The following ERC1 variants were observed in gnomAD, a reference collection of about 807,000 sequenced individuals.
ERC1 encodes the protein RAB6 interacting protein 2.
Under a neutral mutation model 132.0 loss-of-function variants are expected in ERC1, and 56 were observed. That is an observed-to-expected ratio of 0.42 (90% confidence interval 0.34 to 0.53). The LOEUF (loss-of-function observed/expected upper bound fraction) is 0.53. Among genes scored for constraint, ERC1 ranks in the 20% least tolerant of loss-of-function variants. The pLI is 0.03. For missense variants in ERC1, 1,202 were observed against 1,349.9 expected (o/e 0.89, Z 1.72); for synonymous variants, 478 against 476.1 (o/e 1.00, Z -0.05).
chr12:1,319,638 T>C (rs1396324199), intron 15 of ERC1, among the ~76,000 whole-genome samples: 1 of 152,226 alleles, frequency 6.6e-6, no homozygotes, highest in Non-Finnish European at 1.5e-5. Context: ...TTAGCAAGAC[T>C]TTATTGTAAT....
At chr12:1,348,535 A>T (rs879707280) in intron 15 of ERC1, among the ~76,000 whole-genome samples, 1 of 152,152 alleles carries the variant, frequency 6.6e-6, no homozygotes, top group Admixed American at 6.5e-5. Flanking sequence ...TCTACCAAAA[A>T]TACAAAAATT....
At position 1,219,635 on chromosome 12, in the gene ERC1, C is replaced by CTTTTTTTTT. The variant is rs775838825; in HGVS notation, c.2352-17129_2352-17121dup. Among the ~76,000 whole-genome samples the CTTTTTTTTT allele has an allele frequency of 2.2e-3, 311 of 140,712 alleles. 6 individuals are homozygous for CTTTTTTTTT. Among genetic ancestry groups the CTTTTTTTTT allele is most frequent in the African/African-American group, 5.9e-3 (218 of 37,152 alleles). The allele number at this position is 140,712 out of a possible 152,430, so 92.3% of individuals were successfully genotyped here. A position where few individuals can be genotyped will look rare whatever the true frequency, so the allele number is the denominator to read the frequency against. ...CTCTGTAGCAATCAGACTGAACTCT[C>CTTTTTTTTT]TTTTTTTTTTTTTCTTTTTTGAGAC... On this transcript the variant is annotated intron_variant, in intron 12 of 18. Coordinates refer to ENST00000360905, the MANE Select transcript of ERC1 (RefSeq NM_178040.4).
chr12:1,488,874 C>T (rs950842368), intron 18 of ERC1, among the ~76,000 whole-genome samples: 3 of 152,190 alleles, frequency 2.0e-5, no homozygotes, highest in African/African-American at 4.8e-5. Flanking sequence ...TTCCTTTCCA[C>T]GTCCCTGGCC....
intron 7 of ERC1, among the ~76,000 whole-genome samples, chr12:1,118,991 C>T (rs1946756390): frequency 1.3e-5 from 2 of 152,150 alleles, no homozygotes; most frequent in African/African-American, 4.8e-5. Flanking sequence ...CTTCTCCTGC[C>T]TCAGCCTCCT....
intron 15 of ERC1, among the ~76,000 whole-genome samples, chr12:1,355,140 C>T (rs988773296): frequency 6.6e-6 from 1 of 152,246 alleles, no homozygotes; most frequent in South Asian, 2.1e-4. Flanking sequence ...GTCTCTGTCA[C>T]ACTACTCAAA....
chr12:1,015,027 G>A (rs1297995748), intron 1 of ERC1, among the ~76,000 whole-genome samples: 1 of 150,674 alleles, frequency 6.6e-6, no homozygotes, highest in Non-Finnish European at 1.5e-5. Context: ...GCCTCCCAAA[G>A]TGTTGGGATT....
chr12:1,109,809 A>G (rs2154201822), intron 4 of ERC1, among the ~76,000 whole-genome samples: 1 of 152,338 alleles, frequency 6.6e-6, no homozygotes, highest in East Asian at 1.9e-4. Flanking sequence ...CCACTTTTGG[A>G]GGCCAAGACA....
chr12:1,045,849 C>T (rs1223874309), intron 2 of ERC1, among the ~76,000 whole-genome samples: 1 of 151,934 alleles, frequency 6.6e-6, no homozygotes, highest in Non-Finnish European at 1.5e-5. Flanking sequence ...ATCATAGGAT[C>T]CAAAGGCTCC....
chr12:1,127,001 A>AAAAAAAAAAC, intron 7 of ERC1, among the ~76,000 whole-genome samples: 1 of 86,328 alleles, frequency 1.2e-5, no homozygotes, highest in Non-Finnish European at 2.8e-5. Context: ...AAAAAAAAAA[A>AAAAAAAAAAC]AAAAAAAAAA....
chr12:1,438,550 T>G (rs1353456465), intron 17 of ERC1, among the ~76,000 whole-genome samples: 1 of 152,192 alleles, frequency 6.6e-6, no homozygotes, highest in Non-Finnish European at 1.5e-5. Context: ...TTGTAGCCAC[T>G]TCAGGGCTCT....
At chr12:1,020,350 G>A (rs914960158) in intron 1 of ERC1, among the ~76,000 whole-genome samples, 3 of 152,154 alleles carry the variant, frequency 2.0e-5, no homozygotes, top group African/African-American at 7.2e-5. Context: ...CCAGCTACTT[G>A]GGAGGCTGAG....
chr12:1,296,337 A>T (rs2079930543), intron 15 of ERC1, among the ~76,000 whole-genome samples: 1 of 151,820 alleles, frequency 6.6e-6, no homozygotes, highest in African/African-American at 2.4e-5. Flanking sequence ...CAAAAAAGTA[A>T]TAATCATAAA....
intron 12 of ERC1, among the ~76,000 whole-genome samples, chr12:1,214,683 C>T (rs1255591115): frequency 3.0e-4 from 45 of 151,622 alleles, no homozygotes; most frequent in African/African-American, 1.0e-3. Context: ...CACACACACA[C>T]ACACACACAC....
At chr12:1,125,217 A>G (rs1385186509) in intron 7 of ERC1, among the ~76,000 whole-genome samples, 2 of 151,882 alleles carry the variant, frequency 1.3e-5, no homozygotes, top group Non-Finnish European at 2.9e-5. Flanking sequence ...GCTGGTCTCA[A>G]TCTCCTGACC....
At chr12:1,274,480 T>TTTATTTTATTTATTTATTTATTTA (rs1555340355) in intron 14 of ERC1, among the ~76,000 whole-genome samples, 52 of 150,218 alleles carry the variant, frequency 3.5e-4, no homozygotes, top group African/African-American at 1.1e-3. Context: ...TTTTATTTTA[T>TTTATTTTATTTATTTATTTATTTA]TTTATTTATT....
In ERC1 at chr12:1,082,020, G is replaced by A. The variant is rs866424050; in HGVS notation, c.670-1144G>A. ...GTCATTTTGTATTTCGCTGTCCTTC[G>A]GTTTTGCTTGTTTGTTTGTTTGTTT... On this transcript the variant is annotated intron_variant, in intron 2 of 18. Transcript: ENST00000360905. Among the ~76,000 whole-genome samples, 13 of 109,746 alleles carry A rather than the reference G, an allele frequency of 1.2e-4. No homozygotes were observed. The South Asian group carries it at 2.7e-3, about 23-fold the overall frequency. 72.0% of individuals were successfully genotyped at this position (109,746 alleles called of 152,430 possible).
chr12:1,236,645 G>A (rs2075432789), intron 12 of ERC1, 124 bp from the exon 13 acceptor site: 16 of 912,304 alleles, frequency 1.8e-5, no homozygotes, highest in East Asian at 8.1e-5. Context: ...GAAAAATTTC[G>A]CAGCATGTAT....
In ERC1 at chr12:1,180,435, C is replaced by T. The variant is rs532471218; in HGVS notation, c.1738-105C>T. On this transcript the variant is annotated intron_variant, in intron 8 of 18. Transcript: ENST00000360905. ...ATGATTTCTACAGAATGCACACACA[C>T]AGACAACCCTGAGCTATCTGTTTTC... The T allele has an allele frequency of 3.9e-6, 4 of 1,023,176 alleles. No individual in the cohort carries two copies. The South Asian group carries it at 6.4e-5, about 16-fold the overall frequency. 63.4% of individuals were successfully genotyped at this position (1,023,176 alleles called of 1,614,324 possible).
chr12:1,410,330 C>A (rs1016618883), intron 17 of ERC1: 1 of 725,884 alleles, frequency 1.4e-6, no homozygotes, highest in Non-Finnish European at 2.1e-6. Flanking sequence ...TACTAACCAC[C>A]TCTTTTTCAT....
Sources: gnomAD v4.1 joint callset for allele counts (sites outside exome capture counted in the v4.1 genomes callset) on GRCh38, gnomAD v4.1.1 for gene constraint, MANE v1.5 for transcripts, NCBI Gene and HGNC (gene_info 2026-07-23, HGNC 2026-07-21) for gene names.